Variants in ANK2 observed in about 807,000 individuals in gnomAD.
ANK2 encodes ankyrin 2.
Under a neutral mutation model 360.5 loss-of-function variants are expected in ANK2, and 83 were observed. That is an observed-to-expected ratio of 0.23 (90% CI 0.19 to 0.28). The LOEUF is 0.28. Among genes scored for constraint, ANK2 ranks in the 10% least tolerant of loss-of-function variants. The pLI is 1.00. For synonymous variants in ANK2, 1,740 were observed against 1,759.5 expected, an observed-to-expected ratio of 0.99 and a Z score of 0.28; for missense variants, 4,201 against 4,795.7, an observed-to-expected ratio of 0.88 and a Z score of 3.66.
chr4:113,218,315 C>T (rs1400642248), intron 4 of ANK2, among the ~76,000 whole-genome samples: 2 of 152,048 alleles, frequency 1.3e-5, no homozygotes, highest in South Asian at 4.1e-4. Flanking sequence ...AAAAAATGAA[C>T]CTTTTTCTTT....
chr4:113,307,173 C>G (rs1321726598), intron 23 of ANK2, among the ~76,000 whole-genome samples: 1 of 152,132 alleles, frequency 6.6e-6, no homozygotes, highest in African/African-American at 2.4e-5. Flanking sequence ...TACTAGTAAT[C>G]AAGAGAACTC....
chr4:113,196,490 T>C (rs779478993), intron 3 of ANK2, 24 bp downstream of exon 3: 1 of 1,575,460 alleles, frequency 6.3e-7, no homozygotes, highest in East Asian at 2.2e-5. Context: ...TGGTAGAACA[T>C]TTTTTTCCTT....
intron 4 of ANK2, among the ~76,000 whole-genome samples, chr4:113,204,626 A>G (rs944670740): frequency 2.0e-5 from 3 of 152,320 alleles, no homozygotes; most frequent in African/African-American, 7.2e-5. Context: ...ATAGGTAGGA[A>G]AACCAAAGTC....
At chr4:112,809,366 T>C in the ANK2 span, among the ~76,000 whole-genome samples, 5 of 149,146 alleles carry the variant, frequency 3.4e-5, no homozygotes, top group African/African-American at 9.9e-5. Flanking sequence ...TCGAGACCAT[T>C]CTGGCTAACA....
At chr4:112,882,110 G>A (rs2076858440) in intron 1 of ANK2, 1 of 304,646 alleles carries the variant, frequency 3.3e-6, no homozygotes, top group South Asian at 5.7e-5. Flanking sequence ...AAGAGCTTCC[G>A]CAGCTGTTCC....
At chr4:113,040,497 G>C (rs975720205) in intron 2 of ANK2, among the ~76,000 whole-genome samples, 4 of 152,024 alleles carry the variant, frequency 2.6e-5, no homozygotes, top group Non-Finnish European at 5.9e-5. Flanking sequence ...TGCTGCTGCT[G>C]CTGCTTTAAA....
At chr4:112,885,860 T>C (rs2078219878) in intron 1 of ANK2, among the ~76,000 whole-genome samples, 1 of 148,302 alleles carries the variant, frequency 6.7e-6, no homozygotes, top group Admixed American at 6.7e-5. Context: ...TTGACATTGA[T>C]ACTCATCTAT....
At chr4:112,937,857 C>T (rs943746345) in intron 2 of ANK2, among the ~76,000 whole-genome samples, 2 of 152,170 alleles carry the variant, frequency 1.3e-5, no homozygotes, top group African/African-American at 4.8e-5. Context: ...AAGATGGCCT[C>T]TGCAACTTAT....
the ANK2 span, among the ~76,000 whole-genome samples, chr4:112,802,326 T>C: frequency 6.6e-6 from 1 of 152,138 alleles, no homozygotes; most frequent in Admixed American, 6.5e-5. Flanking sequence ...TAGAGATATT[T>C]CCTGTGGAAT....
At chr4:112,836,974 G>C (rs564508099) in intron 1 of ANK2, among the ~76,000 whole-genome samples, 14 of 152,224 alleles carry the variant, frequency 9.2e-5, no homozygotes, top group Admixed American at 7.9e-4. Context: ...GCATAAATTT[G>C]CATAAGTAAC....
intron 1 of ANK2, among the ~76,000 whole-genome samples, chr4:113,059,577 T>A (rs1008882234): frequency 6.6e-6 from 1 of 152,050 alleles, no homozygotes; most frequent in Non-Finnish European, 1.5e-5. Context: ...TTCTTATAGG[T>A]CATTCCTCTG....
the ANK2 span, among the ~76,000 whole-genome samples, chr4:112,774,374 A>T: frequency 2.0e-5 from 3 of 151,976 alleles, no homozygotes; most frequent in South Asian, 6.2e-4. Flanking sequence ...AAAATAGAAA[A>T]CATTAGGCAG....
intron 2 of ANK2, among the ~76,000 whole-genome samples, chr4:112,911,584 A>G (rs554662925): frequency 9.1e-4 from 139 of 152,234 alleles, no homozygotes; most frequent in African/African-American, 3.2e-3. Flanking sequence ...CAGCCTGTTG[A>G]ATAGCTGGGA....
intron 2 of ANK2, among the ~76,000 whole-genome samples, chr4:112,991,877 A>G (rs1218636859): frequency 1.3e-5 from 2 of 151,600 alleles, no homozygotes; most frequent in Admixed American, 6.6e-5. Context: ...TATAAAAAGG[A>G]TTGCCTTTCC....
At chr4:112,875,659 G>A (rs937940930) in intron 1 of ANK2, among the ~76,000 whole-genome samples, 4 of 151,650 alleles carry the variant, frequency 2.6e-5, no homozygotes, top group East Asian at 2.0e-4. Flanking sequence ...AATTTCTGCC[G>A]TAATCATTAC....
chr4:113,336,601 G>A lies in ANK2; in HGVS notation c.3616G>A (p.Val1206Ile). The A allele has an allele frequency of 1.2e-6, 2 of 1,614,070 alleles. No homozygotes were observed. Among genetic ancestry groups the A allele is most frequent in the Non-Finnish European group, 1.7e-6 (2 of 1,179,994 alleles). ...GGCTCAACCTATGCACAGTGAGCTGGTTAAGAAGATCCTAGGCAACAAAGC... is the reference window on the plus strand; with the variant it reads ...GGCTCAACCTATGCACAGTGAGCTGATTAAGAAGATCCTAGGCAACAAAGC... ...LQAQPMHSEL[V>I]KKILGNKATF... Residue 1206 changes from valine (V) to isoleucine (I), a missense_variant, in exon 31 of 46, where the codon GTT (valine) becomes ATT (isoleucine). Transcript: ENST00000357077.
the ANK2 span, among the ~76,000 whole-genome samples, chr4:112,718,528 G>T: frequency 6.6e-6 from 1 of 152,194 alleles, no homozygotes; most frequent in African/African-American, 2.4e-5. Context: ...TGGCCAGGCT[G>T]GTCTTGAACT....
At chr4:112,799,607 C>T in the ANK2 span, among the ~76,000 whole-genome samples, 1 of 151,992 alleles carries the variant, frequency 6.6e-6, no homozygotes, top group African/African-American at 2.4e-5. Context: ...ACCTCCGCTT[C>T]CTGTATTCAA....
At chr4:112,922,810 T>C (rs1319141791) in intron 2 of ANK2, among the ~76,000 whole-genome samples, 2 of 152,204 alleles carry the variant, frequency 1.3e-5, no homozygotes, top group Non-Finnish European at 2.9e-5. Flanking sequence ...TGAAAATGAC[T>C]CTCTAATATT....
Sources: gnomAD v4.1 joint callset for allele counts (sites outside exome capture counted in the v4.1 genomes callset) on GRCh38, gnomAD v4.1.1 for gene constraint, MANE v1.5 for transcripts, NCBI Gene and HGNC (gene_info 2026-07-23, HGNC 2026-07-21) for gene names.